Variants in ADHFE1 observed in about 807,000 individuals in gnomAD.
ADHFE1 encodes hydroxyacid-oxoacid transhydrogenase, mitochondrial.
In ADHFE1, 37 loss-of-function variants were observed where a neutral mutation model predicts 54.8. That is an observed-to-expected ratio of 0.68 (90% CI 0.52 to 0.89). The LOEUF is 0.89. Among genes scored for constraint, ADHFE1 ranks in the 40% least tolerant of loss-of-function variants. The pLI is 0.00. For synonymous variants in ADHFE1, 203 were observed against 229.3 expected (o/e 0.89, Z 1.04); for missense variants, 601 against 591.2 (o/e 1.02, Z -0.17).
Position 66,439,777 on chromosome 8 carries a change from A to G in ADHFE1, c.60-385A>G, listed in dbSNP as rs1398983606. On this transcript the variant is annotated intron_variant, in intron 1 of 13. Coordinates refer to ENST00000396623, the MANE Select transcript of ADHFE1 (RefSeq NM_144650.3). The surrounding 1 kb of genome is among the most constrained non-coding windows in gnomAD (Gnocchi z 4.4). ...GGGTAGTAAGTAAGAAGAGGCACAC[A>G]GAGTTAACCTTGGGCCGATTTGGTC... 3 of 1,043,846 alleles carry G rather than the reference A, an allele frequency of 2.9e-6. No individual in the cohort carries two copies. The highest frequency in any genetic ancestry group is 3.4e-5 in the African/African-American group (2 of 59,266). The allele number at this position is 1,043,846 out of a possible 1,614,324, so 64.7% of individuals were successfully genotyped here.
chr8:66,463,195 C>T (rs1482405010), intron 13 of ADHFE1, among the ~76,000 whole-genome samples: 1 of 152,188 alleles, frequency 6.6e-6, no homozygotes, highest in East Asian at 1.9e-4. Flanking sequence ...TAAAATAGCA[C>T]TAAATTAACA....
At chr8:66,432,596 C>T (rs1424373300) in intron 1 of ADHFE1, 21 bp downstream of exon 1, 2 of 1,297,410 alleles carry the variant, frequency 1.5e-6, no homozygotes, top group Non-Finnish European at 2.0e-6. Flanking sequence ...GGCCGGCGGG[C>T]GGGCAGGGGA....
At position 66,445,390 on chromosome 8, in the gene ADHFE1, G is replaced by C. The variant is rs1805975166; in HGVS notation, c.526G>C (p.Val176Leu). The C allele has an allele frequency of 1.2e-6, 2 of 1,611,880 alleles. No homozygotes were observed. The highest frequency in any genetic ancestry group is 1.7e-6 in the Non-Finnish European group (2 of 1,179,508). The change falls in exon 6 of 14, where the codon GTG becomes CTG. Residue 176 changes from valine (V) to leucine (L), a missense_variant. Val to Leu is a conservative substitution (Grantham distance 32, BLOSUM62 1). Transcript: ENST00000396623. ...APIGKGKPVSVPLKPLIAVPT... is the reference protein window; with the variant it reads ...APIGKGKPVSLPLKPLIAVPT... ...CATTGGCAAGGGAAAGCCTGTGTCT[G>C]TGCCTCTTAAGCCTCTGATTGCAGG...
At chr8:66,462,975 C>A (rs1806982514) in intron 13 of ADHFE1, among the ~76,000 whole-genome samples, 1 of 152,174 alleles carries the variant, frequency 6.6e-6, no homozygotes, top group South Asian at 2.1e-4. Flanking sequence ...GCACACACCA[C>A]CATGCCCAGC....
At chr8:66,447,180 G>T in intron 6 of ADHFE1, 84 bp from the exon 7 acceptor site, 1 of 1,143,672 alleles carries the variant, frequency 8.7e-7, no homozygotes, top group Non-Finnish European at 1.3e-6. Context: ...CTCTAATTTT[G>T]TTCCTCAGTC....
At chr8:66,455,983 C>T (rs1490230978) in intron 10 of ADHFE1, among the ~76,000 whole-genome samples, 2 of 152,024 alleles carry the variant, frequency 1.3e-5, no homozygotes, top group African/African-American at 2.4e-5. Flanking sequence ...TAATATTTTC[C>T]TATTTGTTCA....
intron 2 of ADHFE1, among the ~76,000 whole-genome samples, chr8:66,442,151 C>T (rs1043332717): frequency 6.6e-6 from 1 of 152,026 alleles, no homozygotes; most frequent in Non-Finnish European, 1.5e-5. Flanking sequence ...CATGAACTTA[C>T]TAATAGTTGT....
chr8:66,459,537 C>CA (rs1806786541), intron 12 of ADHFE1: 1 of 150,700 alleles, frequency 6.6e-6, no homozygotes, highest in African/African-American at 2.4e-5. Context: ...GCTGGGATTA[C>CA]AGATGTGAGC....
At chr8:66,442,674 G>T in intron 2 of ADHFE1, 124 bp from the exon 3 acceptor site, 2 of 857,624 alleles carry the variant, frequency 2.3e-6, no homozygotes, top group Non-Finnish European at 3.7e-6. Flanking sequence ...GTGAAACCTG[G>T]AAAAAATATA....
chr8:66,455,143 T>C lies in ADHFE1; in HGVS notation c.986+986T>C, dbSNP rs1041089991. 1.1e-3 allele frequency among the ~76,000 whole-genome samples: 164 copies of C among 152,216 alleles called. 1 individual carries two copies. The highest frequency in any genetic ancestry group is 3.8e-4 in the Non-Finnish European group (26 of 68,028). ...ATAGGTTTTCCTTTCTCTTGTTATA[T>C]AGGTAGGAGCAGAATTGCTGGGTCA... On this transcript the variant is annotated intron_variant, in intron 10 of 13. Transcript: ENST00000396623.
intron 1 of ADHFE1, among the ~76,000 whole-genome samples, chr8:66,434,556 A>G (rs4737797): frequency 1.3e-4 from 20 of 152,232 alleles, no homozygotes; most frequent in African/African-American, 2.2e-4. Flanking sequence ...GAGATTTCCA[A>G]TGAAAATCTT....
chr8:66,453,636 C>T, intron 9 of ADHFE1: 1 of 1,278,440 alleles, frequency 7.8e-7, no homozygotes, highest in South Asian at 1.2e-5. Context: ...CAGTGGGAGG[C>T]AGTGTCTCAG....
intron 9 of ADHFE1, chr8:66,453,574 T>C (rs1806415015): frequency 1.7e-6 from 1 of 588,352 alleles, no homozygotes; most frequent in Non-Finnish European, 2.8e-6. Context: ...TCCTCAATAA[T>C]GTTGGCATAG....
Position 66,439,815 on chromosome 8 carries a change from C to A in ADHFE1, c.60-347C>A. ...GGCCGATTTGGTCAACGCTCCTAAC[C>A]CAGTAAGAGCTGGGGCTTCATGGAG... On this transcript the variant is annotated intron_variant, in intron 1 of 13. Transcript: ENST00000396623. This position sits in a 1 kb window ranked among gnomAD's most constrained non-coding sequence, Gnocchi z 4.4. 1 of 1,087,948 alleles carries A rather than the reference C, an allele frequency of 9.2e-7. No individual in the cohort carries two copies. Among genetic ancestry groups the A allele is most frequent in the Non-Finnish European group, 1.1e-6 (1 of 885,350 alleles). 67.4% of individuals were successfully genotyped at this position (1,087,948 alleles called of 1,614,324 possible).
At chr8:66,466,001 G>A (rs1346001797) in intron 13 of ADHFE1, among the ~76,000 whole-genome samples, 1 of 149,804 alleles carries the variant, frequency 6.7e-6, no homozygotes, top group Non-Finnish European at 1.5e-5. Flanking sequence ...GTCCTTTGAT[G>A]CACAAAAGTT....
At position 66,460,318 on chromosome 8, in the gene ADHFE1, C is replaced by T. The variant is rs1348701828; in HGVS notation, c.1173C>T (p.Thr391=). Reference sequence around the variant, plus strand: ...CTTTATGTCTTCTAGGAGCCGACACCCGCACTGCCAGGATCCAAGATGCAG... The same window carrying T: ...CTTTATGTCTTCTAGGAGCCGACACTCGCACTGCCAGGATCCAAGATGCAG... ...LEMAEILGAD[T]RTARIQDAGL... is the part of the protein sequence containing the mutation. Residue 391 remains threonine (T), a synonymous_variant, in exon 13 of 14, where the codon ACC becomes ACT. Coordinates refer to ENST00000396623, the MANE Select transcript of ADHFE1 (RefSeq NM_144650.3). The T allele has an allele frequency of 6.2e-7, 1 of 1,614,112 alleles. No individual in the cohort carries two copies. The highest frequency in any genetic ancestry group is 2.2e-5 in the East Asian group (1 of 44,892).
At chr8:66,451,046 G>T (rs887644073) in intron 8 of ADHFE1, among the ~76,000 whole-genome samples, 1 of 152,220 alleles carries the variant, frequency 6.6e-6, no homozygotes, top group African/African-American at 2.4e-5. Flanking sequence ...CATTACAGAG[G>T]CCCCCATGGG....
intron 12 of ADHFE1, 55 bp downstream of exon 12, chr8:66,457,221 G>C (rs1316665043): frequency 1.3e-6 from 2 of 1,533,922 alleles, no homozygotes; most frequent in African/African-American, 2.7e-5. Context: ...GCTCCCATCT[G>C]TAATCCCAGC....
intron 12 of ADHFE1, chr8:66,460,103 G>A: frequency 1.7e-6 from 1 of 588,400 alleles, no homozygotes. Context: ...AAGTATGTAG[G>A]ACTTGGCAGC....
Sources: gnomAD v4.1 joint callset for allele counts (sites outside exome capture counted in the v4.1 genomes callset) on GRCh38, gnomAD v4.1.1 for gene constraint, Gnocchi (gnomAD v3.1) non-coding constraint, MANE v1.5 for transcripts, NCBI Gene and HGNC (gene_info 2026-07-23, HGNC 2026-07-21) for gene names.